CISD1: variants seen among roughly 807,000 people sequenced by gnomAD.
CISD1 encodes the protein CDGSH iron-sulfur domain-containing protein 1.
Under a neutral mutation model 12.0 loss-of-function variants are expected in CISD1, and 8 were observed. The ratio of observed to expected loss-of-function variants is 0.67; its 90% CI spans 0.39 to 1.20. CISD1 has a LOEUF of 1.20. CISD1 is among the 50% of genes most tolerant of loss of function. The probability of loss-of-function intolerance (pLI) is 0.01; values close to 1 mark genes in which losing one functional copy is unlikely to be tolerated. For missense variants in CISD1, 107 were observed against 132.7 expected (o/e 0.81, Z 0.95); for synonymous variants, 38 against 42.2 (o/e 0.90, Z 0.39).
chr10:58,273,636 A>G (rs1839274408), intron 1 of CISD1, among the ~76,000 whole-genome samples: 1 of 152,194 alleles, frequency 6.6e-6, no homozygotes, highest in African/African-American at 2.4e-5. Flanking sequence ...TTAAAGAGAA[A>G]ACCAAAGATT....
At chr10:58,277,045 T>C in intron 1 of CISD1, 72 bp from the exon 2 acceptor site, 1 of 1,104,818 alleles carries the variant, frequency 9.1e-7, no homozygotes, top group Non-Finnish European at 1.3e-6. Flanking sequence ...AACTGGATTT[T>C]CTGACATGCA....
chr10:58,271,078 C>G (rs1228916557), intron 1 of CISD1, among the ~76,000 whole-genome samples: 1 of 141,614 alleles, frequency 7.1e-6, no homozygotes, highest in Non-Finnish European at 1.5e-5. Flanking sequence ...CTCGCTCTGT[C>G]GCCCAGGCTG....
intron 2 of CISD1, among the ~76,000 whole-genome samples, chr10:58,286,242 G>GGAAAAC (rs1411352403): frequency 6.6e-6 from 1 of 151,072 alleles, no homozygotes; most frequent in Non-Finnish European, 1.5e-5. Flanking sequence ...AAACAATGAA[G>GGAAAAC]GAAAACTAGC....
intron 1 of CISD1, among the ~76,000 whole-genome samples, chr10:58,274,781 C>T (rs1839293496): frequency 6.6e-6 from 1 of 151,838 alleles, no homozygotes; most frequent in African/African-American, 2.4e-5. Flanking sequence ...TCTGTCCTGT[C>T]TCCCACCATC....
At chr10:58,282,653 G>A (rs1839385742) in intron 2 of CISD1, among the ~76,000 whole-genome samples, 1 of 152,188 alleles carries the variant, frequency 6.6e-6, no homozygotes, top group Non-Finnish European at 1.5e-5. Context: ...ATCCATATTT[G>A]AAGTGAGAAT....
intron 2 of CISD1, chr10:58,283,231 C>G (rs1240498556): frequency 6.6e-6 from 1 of 151,950 alleles, no homozygotes; most frequent in East Asian, 1.9e-4. Context: ...AGTCTTTCTT[C>G]ATAAAAACGA....
At chr10:58,283,589 G>C (rs376627234) in intron 2 of CISD1, among the ~76,000 whole-genome samples, 1 of 152,198 alleles carries the variant, frequency 6.6e-6, no homozygotes, top group African/African-American at 2.4e-5. Flanking sequence ...AGGTGGAAGA[G>C]ATAAGTCAAA....
chr10:58,279,339 A>G (rs913009556), intron 2 of CISD1, among the ~76,000 whole-genome samples: 1 of 152,156 alleles, frequency 6.6e-6, no homozygotes, highest in African/African-American at 2.4e-5. Flanking sequence ...TCTGAAATCC[A>G]AAACATTTTG....
chr10:58,284,166 C>T (rs1839403326), intron 2 of CISD1, among the ~76,000 whole-genome samples: 1 of 151,768 alleles, frequency 6.6e-6, no homozygotes, highest in South Asian at 2.1e-4. Context: ...GAAACCTTGT[C>T]TCCACAAAAA....
intron 2 of CISD1, among the ~76,000 whole-genome samples, chr10:58,284,882 T>C (rs1313629591): frequency 6.6e-6 from 1 of 152,224 alleles, no homozygotes; most frequent in Admixed American, 6.5e-5. Flanking sequence ...ATTTAATTTA[T>C]AGTGAAGTGT....
At position 58,289,311 on chromosome 10, in the gene CISD1, T is replaced by G. The variant is rs1344042638; in HGVS notation, c.*1661T>G. On this transcript the variant is annotated 3_prime_UTR_variant, in exon 3 of 3. Coordinates refer to ENST00000333926, the MANE Select transcript of CISD1 (RefSeq NM_018464.5). ...TAACTTAACAGACTATTCTTTATCT[T>G]GAATTTGAAATTATATTGTTAGTCA... The G allele has an allele frequency of 6.6e-6, 1 of 152,224 alleles. No individual in the cohort carries two copies. Among genetic ancestry groups the G allele is most frequent in the Non-Finnish European group, 1.5e-5 (1 of 67,942 alleles). 9.4% of individuals were successfully genotyped at this position (152,224 alleles called of 1,614,324 possible).
At chr10:58,276,792 T>C (rs1839319966) in intron 1 of CISD1, among the ~76,000 whole-genome samples, 1 of 151,866 alleles carries the variant, frequency 6.6e-6, no homozygotes, top group Non-Finnish European at 1.5e-5. Context: ...TCACATGTTA[T>C]TTAAAATTTA....
intron 2 of CISD1, among the ~76,000 whole-genome samples, chr10:58,286,674 T>A (rs186468996): frequency 7.2e-5 from 11 of 152,312 alleles, no homozygotes; most frequent in African/African-American, 2.6e-4. Context: ...CAAAACACTA[T>A]GTTAGAAATT....
chr10:58,279,877 A>T (rs1839355198), intron 2 of CISD1, among the ~76,000 whole-genome samples: 1 of 152,196 alleles, frequency 6.6e-6, no homozygotes, highest in Admixed American at 6.5e-5. Flanking sequence ...CACACCTGTA[A>T]TGCTAATACT....
chr10:58,269,342 C>T (rs369617882), intron 1 of CISD1, 38 bp downstream of exon 1: 17 of 1,587,760 alleles, frequency 1.1e-5, no homozygotes, highest in Non-Finnish European at 1.4e-5. Flanking sequence ...GCTGGTGAGG[C>T]TCAGCGGTTG....
Position 58,283,498 on chromosome 10 carries a change from TC to T in CISD1, c.238-4061del, listed in dbSNP as rs1455073866. Among the ~76,000 whole-genome samples, 3 of 152,206 alleles carry T rather than the reference TC, an allele frequency of 2.0e-5. No individual in the cohort carries two copies. The East Asian group carries it at 5.8e-4, about 29-fold the overall frequency. On this transcript the variant is annotated intron_variant, in intron 2 of 2. Transcript: ENST00000333926. ...TGAGCCAAAATGGTGCCAGGCAACT[TC>T]CTTGGGACAGAAAATCAAAACTCTA...
At chr10:58,271,332 G>T (rs1322419644) in intron 1 of CISD1, among the ~76,000 whole-genome samples, 2 of 152,046 alleles carry the variant, frequency 1.3e-5, no homozygotes, top group African/African-American at 4.8e-5. Context: ...GAGCCACCGC[G>T]CCCGGCCGAC....
chr10:58,272,887 C>A (rs2132276864), intron 1 of CISD1, among the ~76,000 whole-genome samples: 1 of 152,260 alleles, frequency 6.6e-6, no homozygotes, highest in Admixed American at 6.5e-5. Context: ...CCACTGCACT[C>A]CAGCCTGGGC....
intron 2 of CISD1, among the ~76,000 whole-genome samples, chr10:58,278,641 T>C (rs1039181230): frequency 3.3e-5 from 5 of 152,178 alleles, no homozygotes; most frequent in African/African-American, 1.2e-4. Context: ...ATGTTGGGGA[T>C]CTCTCCCCAT....
Sources: allele counts gnomAD v4.1 joint callset (sites outside exome capture counted in the v4.1 genomes callset), GRCh38; gene constraint gnomAD v4.1.1; transcripts MANE v1.5; gene names NCBI Gene and HGNC (gene_info 2026-07-23, HGNC 2026-07-21).